Variants in NAA15 observed in about 807,000 individuals in gnomAD.
The protein encoded by NAA15 is N-terminal acetyltransferase.
In NAA15, 34 loss-of-function variants were observed where a neutral mutation model predicts 114.0. That is an observed-to-expected ratio of 0.30 (90% CI 0.23 to 0.40). The LOEUF (loss-of-function observed/expected upper bound fraction) is 0.40, where lower values mean the gene tolerates loss of function less well. Ranked by LOEUF, NAA15 falls within the 10% of genes least tolerant of loss-of-function variation. The pLI, the probability that NAA15 is intolerant of heterozygous loss-of-function variation, is 1.00. For missense variants in NAA15, 658 were observed against 1,004.5 expected (o/e 0.66, Z 4.66); for synonymous variants, 340 against 338.0 (o/e 1.01, Z -0.06).
At chr4:139,382,386 A>AT (rs1190361692) in intron 17 of NAA15, among the ~76,000 whole-genome samples, 2 of 151,952 alleles carry the variant, frequency 1.3e-5, no homozygotes, top group Non-Finnish European at 2.9e-5. Context: ...AGCAGTTTTA[A>AT]TTTTTCTGGG....
At chr4:139,312,579 A>G (rs1197169398) in intron 1 of NAA15, among the ~76,000 whole-genome samples, 2 of 151,856 alleles carry the variant, frequency 1.3e-5, no homozygotes, top group African/African-American at 4.8e-5. Flanking sequence ...TTAGAAGTAA[A>G]ATAGCTTGTA....
intron 1 of NAA15, among the ~76,000 whole-genome samples, chr4:139,332,210 A>C (rs1048876785): frequency 6.6e-6 from 1 of 151,996 alleles, no homozygotes; most frequent in African/African-American, 2.4e-5. Flanking sequence ...GGCTCACTAC[A>C]ACCTCTGCCT....
chr4:139,344,934 T>C (rs1347480161), intron 6 of NAA15, among the ~76,000 whole-genome samples: 6 of 151,898 alleles, frequency 4.0e-5, no homozygotes, highest in African/African-American at 1.5e-4. Context: ...GAAAAATGAG[T>C]CTTAACAGTT....
At chr4:139,309,488 T>A (rs1415867540) in intron 1 of NAA15, among the ~76,000 whole-genome samples, 1 of 150,390 alleles carries the variant, frequency 6.6e-6, no homozygotes, top group Non-Finnish European at 1.5e-5. Context: ...TTCACTGTGT[T>A]GCCCAGGCTA....
chr4:139,340,892 C>T lies in NAA15; in HGVS notation c.245-20C>T, dbSNP rs1579106685. ...AGTAATTTTTGACTTGTAGGTTGTACCCTTAACTAAATTCTTTAGGTTGGC... is the reference window on the plus strand; with the variant it reads ...AGTAATTTTTGACTTGTAGGTTGTATCCTTAACTAAATTCTTTAGGTTGGC... On this transcript the variant is annotated intron_variant, in intron 3 of 19. Coordinates refer to ENST00000296543, the MANE Select transcript of NAA15 (RefSeq NM_057175.5). 17 of 1,525,958 alleles carry T rather than the reference C, an allele frequency of 1.1e-5. No individual in the cohort carries two copies. The highest frequency in any genetic ancestry group is 1.4e-5 in the African/African-American group (1 of 71,140). The allele number at this position is 1,525,958 out of a possible 1,614,324, so 94.5% of individuals were successfully genotyped here. A position where few individuals can be genotyped will look rare whatever the true frequency, so the allele number is the denominator to read the frequency against.
At chr4:139,357,098 C>G (rs530076609) in intron 10 of NAA15, among the ~76,000 whole-genome samples, 66 of 152,110 alleles carry the variant, frequency 4.3e-4, no homozygotes, top group African/African-American at 1.4e-3. Flanking sequence ...TTGTCTCCCC[C>G]CTACCTGTTT....
intron 1 of NAA15, among the ~76,000 whole-genome samples, chr4:139,313,829 G>A (rs1190074748): frequency 6.6e-6 from 1 of 151,804 alleles, no homozygotes; most frequent in Non-Finnish European, 1.5e-5. Context: ...GAGCCACCGC[G>A]CCCGGCCTGT....
intron 1 of NAA15, among the ~76,000 whole-genome samples, chr4:139,317,113 C>T (rs1310011164): frequency 1.3e-5 from 2 of 151,876 alleles, no homozygotes; most frequent in Admixed American, 1.3e-4. Context: ...AGTCATATTA[C>T]ATGTAATTCG....
intron 1 of NAA15, chr4:139,302,094 C>T (rs558586202): frequency 1.3e-5 from 5 of 392,944 alleles, no homozygotes; most frequent in East Asian, 1.1e-4. Context: ...GGCTTCTAGA[C>T]TGCCGGTTCT....
chr4:139,380,467 T>G (rs993005392), intron 17 of NAA15, among the ~76,000 whole-genome samples: 2 of 152,224 alleles, frequency 1.3e-5, no homozygotes, highest in African/African-American at 4.8e-5. Flanking sequence ...AGTTAGATAC[T>G]TTCTTTTGAA....
intron 14 of NAA15, among the ~76,000 whole-genome samples, chr4:139,369,381 C>T (rs2110975387): frequency 6.6e-6 from 1 of 152,258 alleles, no homozygotes; most frequent in African/African-American, 2.4e-5. Context: ...ATGCATATCC[C>T]ATATGGTTTC....
chr4:139,342,084 G>A (rs1049465488), intron 4 of NAA15, among the ~76,000 whole-genome samples: 3 of 152,050 alleles, frequency 2.0e-5, no homozygotes, highest in African/African-American at 7.2e-5. Context: ...TTGTAGCTTC[G>A]ATTTTAACCC....
At chr4:139,309,457 G>A (rs946403741) in intron 1 of NAA15, among the ~76,000 whole-genome samples, 1 of 127,138 alleles carries the variant, frequency 7.9e-6, no homozygotes, top group Admixed American at 9.0e-5. Context: ...GTGTGTGTGT[G>A]TGTGTGTGTG....
At chr4:139,341,939 C>A (rs1747414330) in intron 4 of NAA15, among the ~76,000 whole-genome samples, 1 of 152,016 alleles carries the variant, frequency 6.6e-6, no homozygotes, top group Non-Finnish European at 1.5e-5. Context: ...TCAGGCTGGT[C>A]TTGAACTCCT....
chr4:139,375,352 G>A (rs1434683529), intron 15 of NAA15, among the ~76,000 whole-genome samples: 2 of 152,182 alleles, frequency 1.3e-5, no homozygotes, highest in Non-Finnish European at 2.9e-5. Context: ...CGGCACTGGA[G>A]CTGGGCTTTT....
At chr4:139,312,285 T>C (rs1746249711) in intron 1 of NAA15, among the ~76,000 whole-genome samples, 1 of 151,918 alleles carries the variant, frequency 6.6e-6, no homozygotes, top group East Asian at 1.9e-4. Flanking sequence ...TAGTTCTCAG[T>C]GTAAATGTTA....
At chr4:139,331,739 A>G (rs1747012775) in intron 1 of NAA15, among the ~76,000 whole-genome samples, 2 of 151,242 alleles carry the variant, frequency 1.3e-5, no homozygotes, top group Admixed American at 1.3e-4. Flanking sequence ...TGCTGGGATT[A>G]CAAGCATGAG....
chr4:139,318,424 A>C (rs1420915904), intron 1 of NAA15: 2 of 152,192 alleles, frequency 1.3e-5, no homozygotes, highest in Admixed American at 6.5e-5. Context: ...AATACAAAGA[A>C]GATTATTAGC....
At chr4:139,316,638 C>G (rs996372530) in intron 1 of NAA15, among the ~76,000 whole-genome samples, 4 of 151,664 alleles carry the variant, frequency 2.6e-5, no homozygotes, top group Admixed American at 1.3e-4. Flanking sequence ...ACTTTTTATT[C>G]CTTATAAGTA....
Sources: gnomAD v4.1 joint callset for allele counts (sites outside exome capture counted in the v4.1 genomes callset) on GRCh38, gnomAD v4.1.1 for gene constraint, MANE v1.5 for transcripts, NCBI Gene and HGNC (gene_info 2026-07-23, HGNC 2026-07-21) for gene names.